LINGO2: variants seen among roughly 807,000 people sequenced by gnomAD.
LINGO2 encodes leucine rich repeat and Ig domain containing 2.
LINGO2 carries 14 observed loss-of-function variants against 30.6 expected under a neutral mutation model. The observed-to-expected ratio is 0.46, with a 90% CI of 0.30 to 0.72. The LOEUF is 0.72. LINGO2 is among the 30% of genes least tolerant of loss of function. The probability of loss-of-function intolerance (pLI) is 0.07; values close to 1 mark genes in which losing one functional copy is unlikely to be tolerated. For missense variants in LINGO2, 729 were observed against 751.7 expected (o/e 0.97, Z 0.35); for synonymous variants, 317 against 288.5 (o/e 1.10, Z -1.00).
chr9:28,544,188 A>C (rs1263002453), intron 1 of LINGO2, among the ~76,000 whole-genome samples: 1 of 151,924 alleles, frequency 6.6e-6, no homozygotes, highest in Non-Finnish European at 1.5e-5. Flanking sequence ...GGGCGACAGG[A>C]ATAAAAACCA....
At chr9:28,672,811 A>C (rs1479010361), upstream of LINGO2, among the ~76,000 whole-genome samples, 1 of 152,174 alleles carries the variant, frequency 6.6e-6, no homozygotes, top group Non-Finnish European at 1.5e-5. Context: ...CAGATACATG[A>C]TATCTTTGAG....
chr9:28,866,236 G>C, the LINGO2 span, among the ~76,000 whole-genome samples: 2 of 151,978 alleles, frequency 1.3e-5, no homozygotes, highest in Non-Finnish European at 2.9e-5. Flanking sequence ...TCAAACTCTT[G>C]CACTATTTAA....
intron 3 of LINGO2, among the ~76,000 whole-genome samples, chr9:28,303,312 A>G (rs1248455174): frequency 1.3e-5 from 2 of 152,152 alleles, no homozygotes; most frequent in African/African-American, 2.4e-5. Flanking sequence ...GCTGAGGATA[A>G]TCTTGGAGGG....
rs1823075346 is a variant in LINGO2, at chr9:28,418,838, T to C, written c.-278-45970A>G. 2.0e-5 allele frequency among the ~76,000 whole-genome samples: 3 copies of C among 151,992 alleles called. 1 individual carries two copies. The highest frequency in any genetic ancestry group is 2.1e-4 in the South Asian group (1 of 4,828). On this transcript the variant is annotated intron_variant, in intron 2 of 5. Coordinates refer to ENST00000379992, the Ensembl canonical transcript of LINGO2. ...TCAACATTTAACATAATCTTTAATATGGTTTGAGGTAGCCTTTATATCAAG... is the reference window on the plus strand; with the variant it reads ...TCAACATTTAACATAATCTTTAATACGGTTTGAGGTAGCCTTTATATCAAG...
chr9:29,169,941 G>A, the LINGO2 span, among the ~76,000 whole-genome samples: 5 of 151,932 alleles, frequency 3.3e-5, no homozygotes, highest in African/African-American at 9.7e-5. Context: ...CAAGCAGTGA[G>A]CCAAGCTCGC....
At chr9:28,383,254 T>TTG (rs3065590) in intron 2 of LINGO2, among the ~76,000 whole-genome samples, 8,707 of 73,488 alleles carry the variant, frequency 0.12, 489 homozygotes, top group East Asian at 0.25. Flanking sequence ...TCACCATTCA[T>TTG]TGTGTGTGTG....
chr9:28,014,948 C>CTA (rs1457396653), intron 4 of LINGO2, among the ~76,000 whole-genome samples: 2 of 152,068 alleles, frequency 1.3e-5, no homozygotes, highest in African/African-American at 2.4e-5. Context: ...TAACATACCT[C>CTA]TAGTGCTTCA....
intron 2 of LINGO2, among the ~76,000 whole-genome samples, chr9:28,457,661 G>A (rs556767431): frequency 6.6e-6 from 1 of 152,114 alleles, no homozygotes; most frequent in East Asian, 1.9e-4. Flanking sequence ...CCAACTCCTG[G>A]CTTAGGCAAT....
rs1825232833 is a variant in LINGO2 at position 28,063,943 on chromosome 9, T to G, written c.-86-51538A>C. 1.3e-5 allele frequency among the ~76,000 whole-genome samples: 2 copies of G among 152,178 alleles called. 1 individual carries two copies. The highest frequency in any genetic ancestry group is 4.1e-4 in the South Asian group (2 of 4,826). On this transcript the variant is annotated intron_variant, in intron 4 of 5. Coordinates refer to ENST00000379992, the Ensembl canonical transcript of LINGO2. ...AGTATTTGAGTTCTAGAGTGTATTG[T>G]TTTCCTCAGTCACACCTCAATACAT...
At chr9:28,776,236 T>C in the LINGO2 span, among the ~76,000 whole-genome samples, 2,860 of 152,218 alleles carry the variant, frequency 0.019, 51 homozygotes, top group Non-Finnish European at 0.026. Context: ...TGGTGAAAGA[T>C]GAGAAACAGT....
chr9:28,119,168 T>C (rs1827020932), intron 4 of LINGO2, among the ~76,000 whole-genome samples: 1 of 152,210 alleles, frequency 6.6e-6, no homozygotes, highest in Non-Finnish European at 1.5e-5. Flanking sequence ...AAAGGCATCA[T>C]AGGTGGGTCA....
intron 2 of LINGO2, among the ~76,000 whole-genome samples, chr9:28,463,463 A>C (rs1250952193): frequency 6.6e-6 from 1 of 152,088 alleles, no homozygotes; most frequent in African/African-American, 2.4e-5. Flanking sequence ...TTGCCCATGG[A>C]TAGTCTGGAT....
intron 4 of LINGO2, among the ~76,000 whole-genome samples, chr9:28,252,344 GTC>G (rs2134014077): frequency 6.6e-6 from 1 of 152,120 alleles, no homozygotes; most frequent in East Asian, 1.9e-4. Context: ...TCCTGCCTCA[GTC>G]TCCTGAGTAG....
intron 2 of LINGO2, among the ~76,000 whole-genome samples, chr9:28,454,920 A>C (rs1324236579): frequency 6.6e-6 from 1 of 152,092 alleles, no homozygotes. Context: ...GCTAGAACAT[A>C]ATGTGATACA....
rs545159429 is a variant in LINGO2, at chr9:28,066,452, C to T, written c.-86-54047G>A. On this transcript the variant is annotated intron_variant, in intron 4 of 5. Coordinates refer to ENST00000379992, the Ensembl canonical transcript of LINGO2. Reference sequence around the variant, plus strand: ...CATGCTTAGAGAAAAAGCTTCTCCACTGGGCTCTTTGTGGTCCTGAAGATG... The same window carrying T: ...CATGCTTAGAGAAAAAGCTTCTCCATTGGGCTCTTTGTGGTCCTGAAGATG... 3.3e-5 allele frequency among the ~76,000 whole-genome samples: 5 copies of T among 152,230 alleles called. No individual in the cohort carries two copies. In the East Asian group the frequency reaches 7.7e-4, roughly 24 times the overall value.
At chr9:28,305,367 T>A (rs1824305393) in intron 3 of LINGO2, among the ~76,000 whole-genome samples, 2 of 151,918 alleles carry the variant, frequency 1.3e-5, no homozygotes. Flanking sequence ...GGAGGTTCTA[T>A]CCAGTTCAGT....
the LINGO2 span, among the ~76,000 whole-genome samples, chr9:28,701,566 T>A: frequency 6.6e-6 from 1 of 152,070 alleles, no homozygotes; most frequent in African/African-American, 2.4e-5. Flanking sequence ...TAACACAAAT[T>A]GGTTAACGTC....
chr9:29,015,414 G>A, the LINGO2 span, among the ~76,000 whole-genome samples: 3 of 152,018 alleles, frequency 2.0e-5, no homozygotes, highest in African/African-American at 7.2e-5. Context: ...TCTATAGGGG[G>A]CCAGACAATA....
chr9:28,730,810 A>C, the LINGO2 span, among the ~76,000 whole-genome samples: 2 of 152,164 alleles, frequency 1.3e-5, no homozygotes, highest in Non-Finnish European at 2.9e-5. Context: ...ATAGTTTTCT[A>C]TTCTGAAAAA....
Sources: gnomAD v4.1 joint callset for allele counts (sites outside exome capture counted in the v4.1 genomes callset) on GRCh38, gnomAD v4.1.1 for gene constraint, MANE v1.5 for transcripts, NCBI Gene and HGNC (gene_info 2026-07-23, HGNC 2026-07-21) for gene names.